Variants in FAM222B observed in about 807,000 individuals in gnomAD.
The protein encoded by FAM222B is family with sequence similarity 222 member B.
FAM222B carries 12 observed loss-of-function variants against 38.0 expected under a neutral mutation model. That is an observed-to-expected ratio of 0.32 (90% CI 0.20 to 0.51). The LOEUF is 0.51. Ranked by LOEUF, FAM222B falls within the 20% of genes least tolerant of loss-of-function variation. The pLI is 0.97. For synonymous variants in FAM222B, 329 were observed against 317.2 expected, an observed-to-expected ratio of 1.04 and a Z score of -0.40; for missense variants, 716 against 754.2, an observed-to-expected ratio of 0.95 and a Z score of 0.59.
chr17:28,778,714 TATA>T (rs1324380418), intron 1 of FAM222B, among the ~76,000 whole-genome samples: 20 of 89,290 alleles, frequency 2.2e-4, no homozygotes, highest in African/African-American at 6.4e-4. Context: ...TATATATATA[TATA>T]TATTTTTTTT....
chr17:28,794,785 G>C (rs938911145), intron 1 of FAM222B, among the ~76,000 whole-genome samples: 2 of 151,928 alleles, frequency 1.3e-5, no homozygotes, highest in African/African-American at 4.8e-5. Context: ...CCAAAAATAT[G>C]TAACTTTCTA....
chr17:28,843,191 T>G (rs1598066453), upstream of FAM222B, among the ~76,000 whole-genome samples: 1 of 150,938 alleles, frequency 6.6e-6, no homozygotes, highest in Non-Finnish European at 1.5e-5. Context: ...CAGGTTGGAG[T>G]GCAATGGCGT....
chr17:28,834,275 T>C (rs901258027), intron 1 of FAM222B: 1 of 152,190 alleles, frequency 6.6e-6, no homozygotes, highest in African/African-American at 2.4e-5. Context: ...TAAATAGTGA[T>C]CTAAACATGT....
chr17:28,774,769 C>G (rs2035803806), intron 1 of FAM222B, among the ~76,000 whole-genome samples: 2 of 151,744 alleles, frequency 1.3e-5, no homozygotes, highest in Non-Finnish European at 1.5e-5. Flanking sequence ...TGGTGAAACC[C>G]CGTCTCTACT....
intron 1 of FAM222B, among the ~76,000 whole-genome samples, chr17:28,833,381 C>T (rs2038732756): frequency 6.6e-6 from 1 of 151,300 alleles, no homozygotes; most frequent in South Asian, 2.1e-4. Context: ...TTTTGGGAGG[C>T]CGAAGCAGGT....
intron 1 of FAM222B, among the ~76,000 whole-genome samples, chr17:28,771,672 C>T (rs1392963654): frequency 1.3e-5 from 2 of 152,118 alleles, no homozygotes; most frequent in Admixed American, 1.3e-4. Flanking sequence ...CAGTGCGAGA[C>T]TCCGTCTTAA....
chr17:28,838,971 G>A (rs1295123348), intron 1 of FAM222B, among the ~76,000 whole-genome samples: 1 of 152,060 alleles, frequency 6.6e-6, no homozygotes, highest in Non-Finnish European at 1.5e-5. Flanking sequence ...TTGGGAGGCT[G>A]AGTCGGGCAG....
intron 1 of FAM222B, among the ~76,000 whole-genome samples, chr17:28,770,065 C>T (rs186948551): frequency 2.6e-4 from 39 of 152,268 alleles, no homozygotes; most frequent in African/African-American, 8.4e-4. Flanking sequence ...ACCCCAGGCA[C>T]GTGGCCCTTC....
intron 1 of FAM222B, among the ~76,000 whole-genome samples, chr17:28,814,342 C>G (rs145762541): frequency 6.6e-6 from 1 of 152,244 alleles, no homozygotes; most frequent in East Asian, 1.9e-4. Context: ...TAATTTAAAA[C>G]AAAACAAAAC....
intron 1 of FAM222B, among the ~76,000 whole-genome samples, chr17:28,797,868 C>G (rs1357511772): frequency 6.6e-6 from 1 of 151,578 alleles, no homozygotes; most frequent in African/African-American, 2.4e-5. Flanking sequence ...CAAGACCAGT[C>G]TGGACAACAT....
At chr17:28,773,904 A>C (rs1170013196) in intron 1 of FAM222B, among the ~76,000 whole-genome samples, 2 of 152,212 alleles carry the variant, frequency 1.3e-5, no homozygotes, top group African/African-American at 4.8e-5. Context: ...TGACGTCAAG[A>C]ATCAGATCCT....
At chr17:28,810,730 T>C (rs922030516) in intron 1 of FAM222B, among the ~76,000 whole-genome samples, 36 of 152,238 alleles carry the variant, frequency 2.4e-4, no homozygotes, top group African/African-American at 7.5e-4. Flanking sequence ...TTTAGTAACA[T>C]GTCTATTCTA....
Position 28,824,922 on chromosome 17 carries a change from C to T in FAM222B, c.-41+17760G>A, listed in dbSNP as rs184498226. 3.9e-5 allele frequency among the ~76,000 whole-genome samples: 6 copies of T among 152,200 alleles called. 1 individual carries two copies. The highest frequency in any genetic ancestry group is 2.6e-4 in the Admixed American group (4 of 15,286). ...CTGGGATTACAGGCATGTGCCACCA[C>T]GCCCAGCTAATTTTGTATTTTTAGT... On this transcript the variant is annotated intron_variant, in intron 1 of 2. Transcript: ENST00000581407.
intron 1 of FAM222B, among the ~76,000 whole-genome samples, chr17:28,809,561 T>G (rs2037646986): frequency 6.6e-6 from 1 of 152,204 alleles, no homozygotes. Context: ...TGAACATCAG[T>G]GCAAATACAT....
At chr17:28,800,319 G>A (rs1410171563) in intron 1 of FAM222B, among the ~76,000 whole-genome samples, 4 of 152,234 alleles carry the variant, frequency 2.6e-5, no homozygotes, top group Non-Finnish European at 4.4e-5. Flanking sequence ...GTGAGCCACC[G>A]CACCCGGCCT....
intron 1 of FAM222B, among the ~76,000 whole-genome samples, chr17:28,787,539 G>A (rs1482395939): frequency 6.6e-6 from 1 of 151,896 alleles, no homozygotes; most frequent in African/African-American, 2.4e-5. Context: ...TGAAGCTAAA[G>A]GGTCTCTGAA....
chr17:28,798,342 A>C (rs1454799735), intron 1 of FAM222B, among the ~76,000 whole-genome samples: 5 of 152,162 alleles, frequency 3.3e-5, no homozygotes, highest in Non-Finnish European at 7.3e-5. Flanking sequence ...AGATCATGCC[A>C]CTGCACTCCA....
chr17:28,809,282 C>G (rs2037631382), intron 1 of FAM222B, among the ~76,000 whole-genome samples: 2 of 148,982 alleles, frequency 1.3e-5, no homozygotes, highest in African/African-American at 2.5e-5. Flanking sequence ...ACCTGGGAAG[C>G]AGAGGCTGCA....
rs2034884701 is a variant in FAM222B at position 28,758,943 on chromosome 17, G to A, written c.1016C>T (p.Ala339Val). Residue 339 changes from alanine to valine, a missense_variant, in exon 3 of 3, where the codon GCT (alanine) becomes GTT (valine). Ala to Val is a moderately conservative substitution (Grantham distance 64, BLOSUM62 0). Coordinates refer to ENST00000581407, the MANE Select transcript of FAM222B (RefSeq NM_001077498.3). The stretch of plus-strand genomic sequence containing the variant: ...TGTGGGCAGGTTGACAGGACCTGCA[G>A]CAGGCAACGCGGCGGTGGCCGCGTG... ...HTHAATAALP[A>V]AGPVNLPTGI... 3.7e-6 allele frequency: 6 copies of A among 1,609,858 alleles called. No individual in the cohort carries two copies. Among genetic ancestry groups the A allele is most frequent in the Admixed American group, 3.4e-5 (2 of 59,230 alleles).
Sources: gnomAD v4.1 joint callset for allele counts (sites outside exome capture counted in the v4.1 genomes callset) on GRCh38, gnomAD v4.1.1 for gene constraint, MANE v1.5 for transcripts, NCBI Gene and HGNC (gene_info 2026-07-23, HGNC 2026-07-21) for gene names.